PHTF1: variants seen among roughly 807,000 people sequenced by gnomAD.
PHTF1 encodes putative homeodomain transcription factor 1.
In PHTF1, 88 loss-of-function variants were observed where a neutral mutation model predicts 102.4. That is an observed-to-expected ratio of 0.86 (90% confidence interval 0.72 to 1.03). The LOEUF (loss-of-function observed/expected upper bound fraction) is 1.03, where lower values mean the gene tolerates loss of function less well. Ranked by LOEUF, PHTF1 falls within the 50% of genes least tolerant of loss-of-function variation. The pLI, the probability that PHTF1 is intolerant of heterozygous loss-of-function variation, is 0.00. For missense variants in PHTF1, 814 were observed against 909.5 expected, an observed-to-expected ratio of 0.89 and a Z score of 1.35; for synonymous variants, 289 against 305.2, an observed-to-expected ratio of 0.95 and a Z score of 0.55.
Position 113,758,668 on chromosome 1 carries a change from G to A in PHTF1, c.36C>T (p.Tyr12=). The change falls in exon 2 of 19, where the codon TAC becomes TAT. Residue 12 remains tyrosine (Y), a synonymous_variant. Transcript: ENST00000369604. Reference sequence around the variant, plus strand: ...TATATATATGTATTACCTTCTTTTGGTACCACGATATAGCATCTCTCTCAT... The same window carrying A: ...TATATATATGTATTACCTTCTTTTGATACCACGATATAGCATCTCTCTCAT... ...ASNERDAISW[Y]QKKIGAYDQQ... is the part of the protein sequence containing the mutation. 1.3e-6 allele frequency: 2 copies of A among 1,592,638 alleles called. No individual in the cohort carries two copies. The highest frequency in any genetic ancestry group is 1.1e-5 in the South Asian group (1 of 89,948).
chr1:113,730,272 T>C (rs1288988972), intron 5 of PHTF1, among the ~76,000 whole-genome samples: 2 of 151,994 alleles, frequency 1.3e-5, no homozygotes, highest in South Asian at 2.1e-4. Flanking sequence ...AAAAAACACA[T>C]ACATACATTT....
chr1:113,730,190 G>T (rs768104878), intron 5 of PHTF1, among the ~76,000 whole-genome samples: 9 of 151,700 alleles, frequency 5.9e-5, no homozygotes, highest in Non-Finnish European at 1.3e-4. Context: ...GTCTTGTAGA[G>T]GATTGTGCCC....
rs939655366 is a variant in PHTF1 at position 113,726,522 on chromosome 1, TACTTC to T, written c.379_383del (p.Glu127ThrfsTer44). On this transcript the variant is annotated frameshift_variant, in exon 6 of 19. Transcript: ENST00000369604. LOFTEE classifies it high-confidence loss of function. ...GTAGCATAAGGCACAAGGGTCCAAGTACTTCACTTATGTTCACAATAGGCATCATC... is the reference window on the plus strand; with the variant it reads ...GTAGCATAAGGCACAAGGGTCCAAGTACTTATGTTCACAATAGGCATCATC... The T allele has an allele frequency of 6.2e-7, 1 of 1,607,906 alleles. No individual in the cohort carries two copies. The highest frequency in any genetic ancestry group is 1.3e-5 in the African/African-American group (1 of 74,784).
chr1:113,717,681 G>A (rs1016668841), intron 7 of PHTF1, among the ~76,000 whole-genome samples: 1 of 152,120 alleles, frequency 6.6e-6, no homozygotes, highest in African/African-American at 2.4e-5. Context: ...AATCATGGCG[G>A]GAGGTAAAAG....
At chr1:113,753,574 C>T (rs946516437) in intron 3 of PHTF1, among the ~76,000 whole-genome samples, 8 of 152,214 alleles carry the variant, frequency 5.3e-5, no homozygotes, top group East Asian at 1.9e-4. Flanking sequence ...ACTACAGGTG[C>T]GTGTCACCAT....
intron 7 of PHTF1, among the ~76,000 whole-genome samples, chr1:113,721,940 C>T (rs561345912): frequency 1.5e-4 from 23 of 151,870 alleles, no homozygotes; most frequent in African/African-American, 4.6e-4. Context: ...GTGATCCGCC[C>T]GCCTTGGCCT....
chr1:113,708,564 C>T (rs944805002), intron 11 of PHTF1, among the ~76,000 whole-genome samples: 4 of 151,804 alleles, frequency 2.6e-5, no homozygotes, highest in East Asian at 1.9e-4. Context: ...GCCTGGAAGG[C>T]GGAGGTTGCA....
intron 3 of PHTF1, among the ~76,000 whole-genome samples, chr1:113,741,384 T>C (rs993693305): frequency 6.6e-6 from 1 of 152,204 alleles, no homozygotes. Flanking sequence ...ATTTTTGAAA[T>C]ATGCATAATT....
chr1:113,717,560 G>T (rs1557926251), intron 7 of PHTF1, among the ~76,000 whole-genome samples: 2 of 152,210 alleles, frequency 1.3e-5, no homozygotes, highest in East Asian at 3.9e-4. Context: ...AAATTAGCAG[G>T]AGTAGTGTAT....
intron 5 of PHTF1, among the ~76,000 whole-genome samples, chr1:113,727,608 T>C (rs889521631): frequency 9.2e-5 from 14 of 152,198 alleles, no homozygotes; most frequent in Non-Finnish European, 2.1e-4. Context: ...AATGTAATAA[T>C]TTCATACAAT....
At chr1:113,716,095 C>A (rs1651984789) in intron 7 of PHTF1, among the ~76,000 whole-genome samples, 1 of 151,780 alleles carries the variant, frequency 6.6e-6, no homozygotes, top group Non-Finnish European at 1.5e-5. Flanking sequence ...GAGTAAGATA[C>A]CAATATTCAA....
intron 3 of PHTF1, among the ~76,000 whole-genome samples, chr1:113,754,717 C>CTA (rs1658588357): frequency 6.6e-6 from 1 of 152,026 alleles, no homozygotes; most frequent in African/African-American, 2.4e-5. Flanking sequence ...ATTATAATGT[C>CTA]TATATTTTTA....
At chr1:113,708,646 G>T (rs936624286) in intron 11 of PHTF1, among the ~76,000 whole-genome samples, 2 of 151,700 alleles carry the variant, frequency 1.3e-5, no homozygotes, top group African/African-American at 4.8e-5. Flanking sequence ...AAAAAAATGG[G>T]GTCAAGAATG....
At chr1:113,723,195 T>G (rs1376412628) in intron 7 of PHTF1, among the ~76,000 whole-genome samples, 52 of 149,156 alleles carry the variant, frequency 3.5e-4, no homozygotes, top group Admixed American at 3.1e-3. Flanking sequence ...TTTTTTTTTT[T>G]GAGACAGGGT....
intron 18 of PHTF1, 150 bp downstream of exon 18, chr1:113,698,112 A>C: frequency 1.6e-6 from 1 of 620,318 alleles, no homozygotes; most frequent in Non-Finnish European, 2.7e-6. Context: ...ACCAATCAAA[A>C]TGCCTATTTC....
intron 7 of PHTF1, among the ~76,000 whole-genome samples, chr1:113,721,512 A>G (rs1254648775): frequency 6.6e-6 from 1 of 152,206 alleles, no homozygotes; most frequent in Non-Finnish European, 1.5e-5. Context: ...AGCTAGAGCA[A>G]TCAGACAAGA....
intron 3 of PHTF1, among the ~76,000 whole-genome samples, chr1:113,749,033 G>C (rs1173150687): frequency 6.6e-6 from 1 of 152,036 alleles, no homozygotes; most frequent in African/African-American, 2.4e-5. Context: ...TTATTTGTGT[G>C]GTGAGAACAC....
chr1:113,697,760 T>C lies in PHTF1; in HGVS notation c.2269-35A>G, dbSNP rs148361489. On this transcript the variant is annotated intron_variant, in intron 18 of 18. Transcript: ENST00000369604. The stretch of plus-strand genomic sequence containing the variant: ...CAAAATCACCAAAATAAGTTAGTTC[T>C]AGGAAAACCAGGTGGGATTTATAGG... 2.4e-4 allele frequency: 377 copies of C among 1,544,200 alleles called. 4 individuals carry two copies. In the African/African-American group the frequency reaches 4.3e-3, roughly 18 times the overall value.
chr1:113,742,971 G>T (rs543693023), intron 3 of PHTF1, among the ~76,000 whole-genome samples: 96 of 151,624 alleles, frequency 6.3e-4, no homozygotes, highest in African/African-American at 1.8e-3. Context: ...GGAGTTTTTT[G>T]TTGTTGTTGT....
Sources: gnomAD v4.1 joint callset for allele counts (sites outside exome capture counted in the v4.1 genomes callset) on GRCh38, gnomAD v4.1.1 for gene constraint, MANE v1.5 for transcripts, NCBI Gene and HGNC (gene_info 2026-07-23, HGNC 2026-07-21) for gene names.